Variants in DENND1B observed in about 807,000 individuals in gnomAD.
The protein encoded by DENND1B is DENN domain-containing protein 1B.
In DENND1B, 59 loss-of-function variants were observed where a neutral mutation model predicts 90.1. That is an observed-to-expected ratio of 0.65 (90% CI 0.53 to 0.81). The LOEUF is 0.81. Ranked by LOEUF, DENND1B falls within the 40% of genes least tolerant of loss-of-function variation. The pLI is 0.00. For synonymous variants in DENND1B, 337 were observed against 324.6 expected (o/e 1.04, Z -0.41); for missense variants, 862 against 912.6 (o/e 0.94, Z 0.71).
upstream of DENND1B, chr1:197,775,483 A>C: frequency 4.6e-6 from 1 of 215,658 alleles, no homozygotes; most frequent in Non-Finnish European, 9.1e-6. Flanking sequence ...CTTCTTGCAA[A>C]TCAGGAAGTC....
intron 15 of DENND1B, among the ~76,000 whole-genome samples, chr1:197,560,598 C>T (rs542576588): frequency 4.8e-4 from 73 of 151,898 alleles, no homozygotes; most frequent in African/African-American, 1.7e-3. Context: ...AAGGGAATAG[C>T]CAGAGTAAAT....
intron 2 of DENND1B, chr1:197,747,120 C>T: frequency 1.3e-6 from 1 of 767,330 alleles, no homozygotes; most frequent in Admixed American, 1.8e-5. Context: ...CTTTTTCATT[C>T]CTCAATTTAT....
At chr1:197,618,937 A>G (rs1677901804) in intron 10 of DENND1B, among the ~76,000 whole-genome samples, 1 of 151,386 alleles carries the variant, frequency 6.6e-6, no homozygotes, top group East Asian at 1.9e-4. Context: ...GTCTATGTTT[A>G]AGTGCAAAAT....
upstream of DENND1B, among the ~76,000 whole-genome samples, chr1:197,779,936 A>T (rs1167287919): frequency 6.6e-6 from 1 of 152,154 alleles, no homozygotes; most frequent in East Asian, 1.9e-4. Flanking sequence ...GATCCTTAGA[A>T]CTTTATATAT....
At chr1:197,609,979 C>T (rs996171932) in intron 12 of DENND1B, among the ~76,000 whole-genome samples, 13 of 150,374 alleles carry the variant, frequency 8.6e-5, no homozygotes, top group African/African-American at 3.2e-4. Flanking sequence ...TGAAAAAATC[C>T]GCCTAATAGT....
intron 15 of DENND1B, among the ~76,000 whole-genome samples, chr1:197,561,691 G>A (rs888375438): frequency 2.4e-4 from 36 of 151,738 alleles, no homozygotes; most frequent in African/African-American, 7.5e-4. Context: ...CTCAACTCTT[G>A]TTCTTCTTGA....
At chr1:197,749,775 A>G (rs1422414855) in intron 2 of DENND1B, among the ~76,000 whole-genome samples, 1 of 152,186 alleles carries the variant, frequency 6.6e-6, no homozygotes, top group Admixed American at 6.5e-5. Flanking sequence ...CTAAACAAAA[A>G]TAATTATGGG....
At chr1:197,559,070 G>C (rs1306857982) in intron 15 of DENND1B, among the ~76,000 whole-genome samples, 1 of 151,876 alleles carries the variant, frequency 6.6e-6, no homozygotes, top group Non-Finnish European at 1.5e-5. Context: ...TCCTCTAAGA[G>C]ATAAGTCATA....
chr1:197,555,804 C>T (rs1283173713), intron 15 of DENND1B, among the ~76,000 whole-genome samples: 1 of 152,040 alleles, frequency 6.6e-6, no homozygotes, highest in Non-Finnish European at 1.5e-5. Flanking sequence ...GGACATTTCT[C>T]AAAGAACTAA....
intron 10 of DENND1B, among the ~76,000 whole-genome samples, chr1:197,622,584 G>T (rs113245080): frequency 5.3e-5 from 8 of 151,518 alleles, no homozygotes; most frequent in African/African-American, 1.7e-4. Context: ...CTTTGTATGA[G>T]AAATCTATGA....
intron 12 of DENND1B, among the ~76,000 whole-genome samples, chr1:197,609,310 T>C (rs774198776): frequency 6.6e-6 from 1 of 150,744 alleles, no homozygotes; most frequent in Non-Finnish European, 1.5e-5. Flanking sequence ...AAAGGTACTT[T>C]TGCACATTAA....
intron 2 of DENND1B, among the ~76,000 whole-genome samples, chr1:197,771,705 G>A (rs1571701161): frequency 6.6e-6 from 1 of 152,278 alleles, no homozygotes; most frequent in East Asian, 1.9e-4. Flanking sequence ...AGCTAAAATT[G>A]TCAGCAGACT....
intron 10 of DENND1B, among the ~76,000 whole-genome samples, chr1:197,635,088 T>G (rs530935374): frequency 2.0e-5 from 3 of 152,168 alleles, no homozygotes; most frequent in African/African-American, 7.2e-5. Context: ...CTTCAAGGTT[T>G]ACAAAGAAAC....
At chr1:197,578,583 A>T (rs757491005) in intron 15 of DENND1B, among the ~76,000 whole-genome samples, 1 of 152,166 alleles carries the variant, frequency 6.6e-6, no homozygotes, top group Non-Finnish European at 1.5e-5. Context: ...CATTCTAAAA[A>T]ATGTGAGGTG....
intron 3 of DENND1B, among the ~76,000 whole-genome samples, chr1:197,690,835 GT>G (rs1657791916): frequency 6.6e-6 from 1 of 151,194 alleles, no homozygotes; most frequent in Non-Finnish European, 1.5e-5. Flanking sequence ...TTCTTAAGTT[GT>G]TAGTCTTTAA....
At chr1:197,647,220 C>T (rs1362713866) in intron 7 of DENND1B, 106 bp from the exon 8 acceptor site, 2 of 548,538 alleles carry the variant, frequency 3.6e-6, no homozygotes, top group Admixed American at 4.4e-5. Context: ...AAGTTAGCCA[C>T]TAAAAAATAC....
chr1:197,531,046 A>G (rs564666038), intron 20 of DENND1B, among the ~76,000 whole-genome samples: 1 of 152,266 alleles, frequency 6.6e-6, no homozygotes, highest in East Asian at 1.9e-4. Flanking sequence ...CTATTCTGCT[A>G]TTTATTACTT....
At chr1:197,762,605 A>G (rs1452876462) in intron 2 of DENND1B, among the ~76,000 whole-genome samples, 1 of 152,134 alleles carries the variant, frequency 6.6e-6, no homozygotes, top group East Asian at 1.9e-4. Context: ...ATACAATACA[A>G]TTTTATTAAC....
intron 5 of DENND1B, 29 bp from the exon 6 acceptor site, chr1:197,658,398 T>C (rs1466798664): frequency 1.4e-6 from 2 of 1,399,722 alleles, no homozygotes; most frequent in African/African-American, 1.4e-5. Flanking sequence ...AAAATGTATA[T>C]ACATAAAATT....
Sources: allele counts gnomAD v4.1 joint callset (sites outside exome capture counted in the v4.1 genomes callset), GRCh38; gene constraint gnomAD v4.1.1; transcripts MANE v1.5; gene names NCBI Gene and HGNC (gene_info 2026-07-23, HGNC 2026-07-21).